SHF: variants seen among roughly 807,000 people sequenced by gnomAD.
The protein encoded by SHF is Src homology 2 domain containing F.
SHF carries 30 observed loss-of-function variants against 42.4 expected under a neutral mutation model. That is an observed-to-expected ratio of 0.71 (90% CI 0.53 to 0.96). The LOEUF is 0.96. Among genes scored for constraint, SHF ranks in the 40% least tolerant of loss-of-function variants. SHF has a pLI of 0.00. For synonymous variants in SHF, 264 were observed against 269.9 expected (o/e 0.98, Z 0.21); for missense variants, 598 against 634.0 (o/e 0.94, Z 0.61).
chr15:45,187,169 G>C (rs1898462583), intron 1 of SHF, among the ~76,000 whole-genome samples: 1 of 152,220 alleles, frequency 6.6e-6, no homozygotes, highest in African/African-American at 2.4e-5. Flanking sequence ...AGGCTAGAGG[G>C]GGCTACGAAG....
At chr15:45,184,256 G>A (rs1567037549) in intron 1 of SHF, among the ~76,000 whole-genome samples, 1 of 152,128 alleles carries the variant, frequency 6.6e-6, no homozygotes, top group Non-Finnish European at 1.5e-5. Flanking sequence ...TGCCCTGACT[G>A]TATCCCTCAC....
At chr15:45,180,691 G>A (rs1467540333) in intron 1 of SHF, among the ~76,000 whole-genome samples, 6 of 152,094 alleles carry the variant, frequency 3.9e-5, no homozygotes, top group Non-Finnish European at 5.9e-5. Flanking sequence ...TATTTCTTCA[G>A]AAAGCCTTTC....
intron 6 of SHF, 190 bp downstream of exon 6, chr15:45,171,693 A>G: frequency 1.6e-6 from 1 of 635,082 alleles, no homozygotes; most frequent in Non-Finnish European, 2.7e-6. Flanking sequence ...CTGCGGATCA[A>G]CTATTTCTCC....
upstream of SHF, among the ~76,000 whole-genome samples, chr15:45,191,700 A>T (rs1246233430): frequency 6.6e-6 from 1 of 152,180 alleles, no homozygotes; most frequent in Non-Finnish European, 1.5e-5. Context: ...TTAACTTAAC[A>T]TTGTATGATA....
intron 6 of SHF, chr15:45,170,561 A>C: frequency 1.7e-6 from 1 of 602,954 alleles, no homozygotes; most frequent in Non-Finnish European, 2.5e-6. Flanking sequence ...TGATTTCCCT[A>C]GGATCACATA....
intron 2 of SHF, among the ~76,000 whole-genome samples, chr15:45,196,668 C>T (rs188430528): frequency 1.3e-5 from 2 of 152,010 alleles, no homozygotes; most frequent in African/African-American, 2.4e-5. Context: ...GAGGCCGAGG[C>T]GGGCAGAACA....
At position 45,175,437 on chromosome 15, in the gene SHF, G is replaced by C. The variant is rs769106921; in HGVS notation, c.641-12C>G. 21 of 1,564,386 alleles carry C rather than the reference G, an allele frequency of 1.3e-5. No homozygotes were observed. Among genetic ancestry groups the C allele is most frequent in the Non-Finnish European group, 1.8e-5 (21 of 1,154,198 alleles). On this transcript the variant is annotated splice_polypyrimidine_tract_variant and intron_variant, in intron 2 of 6. Transcript: ENST00000690270. ...GGAGCCCCGGATCTCTGCCGGAGCA[G>C]GGCAGGAAGGGAAAGGTGAGGGTTC...
chr15:45,197,873 C>T (rs934043872), intron 2 of SHF, among the ~76,000 whole-genome samples: 3 of 149,798 alleles, frequency 2.0e-5, no homozygotes, highest in Admixed American at 1.3e-4. Flanking sequence ...GGCATGTTTG[C>T]GTTTTATGCA....
At chr15:45,185,455 T>A (rs1898341036) in intron 1 of SHF, among the ~76,000 whole-genome samples, 1 of 152,156 alleles carries the variant, frequency 6.6e-6, no homozygotes, top group Non-Finnish European at 1.5e-5. Context: ...GGGGAGCTGC[T>A]CTCTCTAAAT....
Position 45,175,401 on chromosome 15 carries a change from G to A in SHF, c.665C>T (p.Ala222Val). The change falls in exon 3 of 7, where the codon GCA (alanine) becomes GTA (valine). Residue 222 changes from alanine to valine, a missense_variant. Ala to Val is a moderately conservative substitution (Grantham distance 64). Coordinates refer to ENST00000690270, the MANE Select transcript of SHF (RefSeq NM_001394037.1). ...MAEIRGSKET[A>V]TQPLPLYDTP... Reference sequence around the variant, plus strand: ...GTCATACAGAGGCAAGGGCTGAGTTGCTGTCTCCTTGGAGCCCCGGATCTC... The same window carrying A: ...GTCATACAGAGGCAAGGGCTGAGTTACTGTCTCCTTGGAGCCCCGGATCTC... 1 of 1,590,342 alleles carries A rather than the reference G, an allele frequency of 6.3e-7. No individual in the cohort carries two copies. The highest frequency in any genetic ancestry group is 8.6e-7 in the Non-Finnish European group (1 of 1,168,242).
chr15:45,172,085 G>A (rs1485065233), intron 5 of SHF, 62 bp downstream of exon 5: 1 of 1,613,792 alleles, frequency 6.2e-7, no homozygotes, highest in Non-Finnish European at 8.5e-7. Flanking sequence ...TCCCCTGTAG[G>A]GAAGCCAGTG....
chr15:45,168,827 C>A (rs1330414858), intron 6 of SHF, among the ~76,000 whole-genome samples: 1 of 152,204 alleles, frequency 6.6e-6, no homozygotes, highest in Non-Finnish European at 1.5e-5. Context: ...CTGCCTCTGC[C>A]ATCTCCCTGC....
intron 2 of SHF, among the ~76,000 whole-genome samples, chr15:45,195,388 G>A (rs1228492132): frequency 1.3e-5 from 2 of 152,158 alleles, no homozygotes; most frequent in Non-Finnish European, 2.9e-5. Context: ...AGTTTTAAAA[G>A]TCAGCCATGA....
chr15:45,175,371 G>T lies in SHF; in HGVS notation c.695C>A (p.Pro232His). ...ATQPLPLYDT[P>H]YEPEEDGATA... is the part of the protein sequence containing the mutation. ...GGCCCCATCCTCCTCTGGCTCATAGGGTGTGTCATACAGAGGCAAGGGCTG... is the reference window on the plus strand; with the variant it reads ...GGCCCCATCCTCCTCTGGCTCATAGTGTGTGTCATACAGAGGCAAGGGCTG... The change falls in exon 3 of 7, where the codon CCC becomes CAC. Residue 232 changes from proline (P) to histidine (H), a missense_variant. Pro to His is a moderately conservative substitution (Grantham distance 77). Coordinates refer to ENST00000690270, the MANE Select transcript of SHF (RefSeq NM_001394037.1). 6.3e-7 allele frequency: 1 copy of T among 1,597,854 alleles called. No homozygotes were observed. Among genetic ancestry groups the T allele is most frequent in the Admixed American group, 1.7e-5 (1 of 57,654 alleles).
At chr15:45,174,177 C>G (rs1897671274) in intron 3 of SHF, 2 of 190,908 alleles carry the variant, frequency 1.0e-5, no homozygotes, top group South Asian at 1.8e-4. Context: ...AAGAAAGAGC[C>G]AGCCTCGCCT....
intron 6 of SHF, among the ~76,000 whole-genome samples, chr15:45,168,735 G>A (rs1197931390): frequency 2.0e-5 from 3 of 152,142 alleles, no homozygotes; most frequent in African/African-American, 7.2e-5. Flanking sequence ...TGCTTTCTGG[G>A]TCTTGGACCA....
chr15:45,201,002 T>G (rs1008980509), exon 1 of SHF: 3 of 357,906 alleles, frequency 8.4e-6, no homozygotes, highest in African/African-American at 2.1e-5. Flanking sequence ...GGCTAGGGAG[T>G]CCACAGCGCT....
At chr15:45,172,054 C>G (rs752533127) in intron 5 of SHF, 52 bp from the exon 6 acceptor site, 1 of 1,613,752 alleles carries the variant, frequency 6.2e-7, no homozygotes, top group Non-Finnish European at 8.5e-7. Context: ...CCTCGCTGTC[C>G]AGGCCCACCC....
chr15:45,176,749 C>G (rs148497758), intron 2 of SHF, among the ~76,000 whole-genome samples: 146 of 152,272 alleles, frequency 9.6e-4, no homozygotes, highest in Middle Eastern at 3.4e-3. Context: ...ATGATAAAAG[C>G]TATGGAGCTA....
Sources: gnomAD v4.1 joint callset for allele counts (sites outside exome capture counted in the v4.1 genomes callset) on GRCh38, gnomAD v4.1.1 for gene constraint, MANE v1.5 for transcripts, NCBI Gene and HGNC (gene_info 2026-07-23, HGNC 2026-07-21) for gene names.